The following EPHA3 variants were observed in gnomAD, a reference collection of about 807,000 sequenced individuals.
The protein encoded by EPHA3 is ephrin type-A receptor 3.
EPHA3 carries 42 observed loss-of-function variants against 107.1 expected under a neutral mutation model. The ratio of observed to expected loss-of-function variants is 0.39; its 90% confidence interval spans 0.31 to 0.51. EPHA3 has a LOEUF of 0.51. Among genes scored for constraint, EPHA3 ranks in the 20% least tolerant of loss-of-function variants. The pLI, the probability that EPHA3 is intolerant of heterozygous loss-of-function variation, is 0.78. For synonymous variants in EPHA3, 461 were observed against 424.8 expected, an observed-to-expected ratio of 1.09 and a Z score of -1.05; for missense variants, 1,183 against 1,211.2, an observed-to-expected ratio of 0.98 and a Z score of 0.35.
intron 3 of EPHA3, among the ~76,000 whole-genome samples, chr3:89,300,775 A>G (rs1460325888): frequency 6.6e-6 from 1 of 152,080 alleles, no homozygotes; most frequent in African/African-American, 2.4e-5. Context: ...AATAAAGGAT[A>G]TCCTGTGTGG....
chr3:89,124,883 T>G (rs1704060155), intron 1 of EPHA3, among the ~76,000 whole-genome samples: 1 of 151,974 alleles, frequency 6.6e-6, no homozygotes, highest in Admixed American at 6.5e-5. Context: ...CTTCTACACT[T>G]ACTTTAATTG....
intron 3 of EPHA3, among the ~76,000 whole-genome samples, chr3:89,273,569 G>T (rs1173191425): frequency 6.6e-6 from 1 of 151,878 alleles, no homozygotes; most frequent in Non-Finnish European, 1.5e-5. Flanking sequence ...CTCAGTTGTA[G>T]TGTTTACAGT....
chr3:89,309,773 A>G (rs1490230140), intron 3 of EPHA3, among the ~76,000 whole-genome samples: 1 of 152,200 alleles, frequency 6.6e-6, no homozygotes, highest in African/African-American at 2.4e-5. Context: ...TTCAAGAAAA[A>G]AATGTTTTTA....
At chr3:89,219,703 G>GTTTTTTTTTTTTTTTT (rs796857390) in intron 3 of EPHA3, among the ~76,000 whole-genome samples, 8 of 26,236 alleles carry the variant, frequency 3.0e-4, no homozygotes, top group East Asian at 1.8e-3. Flanking sequence ...TTTTTTTTTT[G>GTTTTTTTTTTTTTTTT]TTTTTTGTTT....
At chr3:89,168,764 T>C (rs1705138265) in intron 2 of EPHA3, among the ~76,000 whole-genome samples, 1 of 152,072 alleles carries the variant, frequency 6.6e-6, no homozygotes, top group African/African-American at 2.4e-5. Flanking sequence ...TGAGTTCCTA[T>C]TGCTAGGAAA....
intron 3 of EPHA3, among the ~76,000 whole-genome samples, chr3:89,219,688 G>GTTT (rs1553666928): frequency 0.019 from 659 of 34,416 alleles, 161 homozygotes; most frequent in African/African-American, 0.022. Flanking sequence ...ATTTGGCAAT[G>GTTT]TTTTTTTTTT....
chr3:89,355,631 C>T (rs1044009291), intron 5 of EPHA3, among the ~76,000 whole-genome samples: 2 of 150,426 alleles, frequency 1.3e-5, no homozygotes, highest in African/African-American at 4.9e-5. Flanking sequence ...ATCTTTGTAT[C>T]CTTTTTGATT....
At chr3:89,450,893 G>A (rs1424086434) in intron 15 of EPHA3, among the ~76,000 whole-genome samples, 4 of 152,054 alleles carry the variant, frequency 2.6e-5, no homozygotes, top group Middle Eastern at 3.2e-3. Context: ...TCAACAGAGC[G>A]AGACTCTCTC....
At chr3:89,320,642 CTTTG>C (rs2107378634) in intron 3 of EPHA3, among the ~76,000 whole-genome samples, 1 of 151,750 alleles carries the variant, frequency 6.6e-6, no homozygotes, top group African/African-American at 2.4e-5. Flanking sequence ...TTTTTTAAAT[CTTTG>C]TTTACACTTA....
chr3:89,267,494 C>T (rs1559625298), intron 3 of EPHA3, among the ~76,000 whole-genome samples: 1 of 152,100 alleles, frequency 6.6e-6, no homozygotes, highest in Non-Finnish European at 1.5e-5. Flanking sequence ...CATCTACTGA[C>T]TGACACAAGT....
chr3:89,209,672 G>A (rs576314096), intron 2 of EPHA3, among the ~76,000 whole-genome samples, 188 bp from the exon 3 acceptor site: 10 of 152,202 alleles, frequency 6.6e-5, no homozygotes, highest in African/African-American at 2.4e-4. Context: ...ATTGAAATGT[G>A]TTCATCAAAA....
chr3:89,310,200 C>A (rs1017211063), intron 3 of EPHA3, among the ~76,000 whole-genome samples: 1 of 151,870 alleles, frequency 6.6e-6, no homozygotes, highest in Non-Finnish European at 1.5e-5. Context: ...ATAAAGCAGA[C>A]ATATAAAAGT....
At chr3:89,468,528 A>T (rs1710336013) in intron 15 of EPHA3, among the ~76,000 whole-genome samples, 1 of 152,176 alleles carries the variant, frequency 6.6e-6, no homozygotes, top group African/African-American at 2.4e-5. Flanking sequence ...ACAAACCCAT[A>T]AATAAAAAAG....
intron 1 of EPHA3, among the ~76,000 whole-genome samples, chr3:89,123,037 A>G (rs1707423829): frequency 6.6e-6 from 1 of 152,188 alleles, no homozygotes; most frequent in Non-Finnish European, 1.5e-5. Context: ...GAAACATAAC[A>G]GTAGAAATCA....
intron 2 of EPHA3, among the ~76,000 whole-genome samples, chr3:89,205,952 A>T (rs959968985): frequency 6.6e-6 from 1 of 152,182 alleles, no homozygotes; most frequent in Non-Finnish European, 1.5e-5. Context: ...TTTACAAAGC[A>T]TGAGCATTAT....
intron 2 of EPHA3, among the ~76,000 whole-genome samples, chr3:89,140,836 G>C (rs1415015328): frequency 6.6e-6 from 1 of 151,662 alleles, no homozygotes. Flanking sequence ...TGTTCACTCT[G>C]TTATCCAACA....
intron 5 of EPHA3, among the ~76,000 whole-genome samples, chr3:89,359,717 A>G (rs1195755092): frequency 6.8e-5 from 10 of 146,878 alleles, no homozygotes; most frequent in African/African-American, 2.5e-4. Flanking sequence ...GTGTGTGTAT[A>G]TATATATACA....
intron 6 of EPHA3, among the ~76,000 whole-genome samples, chr3:89,397,765 T>G (rs966124385): frequency 4.6e-5 from 7 of 152,138 alleles, no homozygotes; most frequent in African/African-American, 1.7e-4. Flanking sequence ...GTATTTTTAG[T>G]AGAGATGAGG....
At chr3:89,193,751 C>T (rs12497213) in intron 2 of EPHA3, among the ~76,000 whole-genome samples, 1 of 151,914 alleles carries the variant, frequency 6.6e-6, no homozygotes, top group South Asian at 2.1e-4. Flanking sequence ...GAATAAACTA[C>T]TTTTTTAGAA....
Sources: gnomAD v4.1 joint callset for allele counts (sites outside exome capture counted in the v4.1 genomes callset) on GRCh38, gnomAD v4.1.1 for gene constraint, MANE v1.5 for transcripts, NCBI Gene and HGNC (gene_info 2026-07-23, HGNC 2026-07-21) for gene names.